Variants in DCC observed in about 807,000 individuals in gnomAD.
The protein encoded by DCC is netrin receptor DCC.
Under a neutral mutation model 172.5 loss-of-function variants are expected in DCC, and 58 were observed. The ratio of observed to expected loss-of-function variants is 0.34; its 90% CI spans 0.27 to 0.42. The LOEUF is 0.42. DCC is among the 10% of genes least tolerant of loss of function. DCC has a pLI of 1.00. For synonymous variants in DCC, 709 were observed against 644.5 expected, an observed-to-expected ratio of 1.10 and a Z score of -1.52; for missense variants, 1,740 against 1,791.0, an observed-to-expected ratio of 0.97 and a Z score of 0.51.
intron 2 of DCC, among the ~76,000 whole-genome samples, chr18:52,857,003 A>G (rs1006447496): frequency 6.6e-6 from 1 of 152,242 alleles, no homozygotes; most frequent in South Asian, 2.1e-4. Flanking sequence ...GTTAAATTCT[A>G]TATGTATAAG....
chr18:52,354,398 G>A (rs1343538951), intron 1 of DCC, among the ~76,000 whole-genome samples: 1 of 152,198 alleles, frequency 6.6e-6, no homozygotes, highest in Non-Finnish European at 1.5e-5. Flanking sequence ...TAATCGTCCA[G>A]AAAAGATGAA....
chr18:52,740,072 T>C (rs1234226849), intron 1 of DCC, among the ~76,000 whole-genome samples: 1 of 152,174 alleles, frequency 6.6e-6, no homozygotes, highest in African/African-American at 2.4e-5. Context: ...TTCCTTCAGG[T>C]GAAGACACAT....
chr18:52,356,542 G>T (rs1045074554), intron 1 of DCC, among the ~76,000 whole-genome samples: 4 of 152,156 alleles, frequency 2.6e-5, no homozygotes, highest in African/African-American at 9.7e-5. Context: ...ACAGTCATAT[G>T]AGGTTATGAT....
chr18:53,195,404 G>A (rs1300469078), intron 9 of DCC, among the ~76,000 whole-genome samples: 1 of 152,110 alleles, frequency 6.6e-6, no homozygotes, highest in Non-Finnish European at 1.5e-5. Flanking sequence ...ATTTTTCTGA[G>A]ATTGGCAAAA....
intron 5 of DCC, among the ~76,000 whole-genome samples, chr18:53,036,919 A>T (rs951479611): frequency 6.6e-6 from 1 of 152,012 alleles, no homozygotes; most frequent in Non-Finnish European, 1.5e-5. Flanking sequence ...AAAGATAAAG[A>T]TTAGTCTGAA....
At chr18:53,014,365 T>C (rs559630300) in intron 5 of DCC, among the ~76,000 whole-genome samples, 59 of 152,068 alleles carry the variant, frequency 3.9e-4, no homozygotes, top group Middle Eastern at 6.8e-3. Context: ...ATGTGCCATG[T>C]TGGTGTGCTG....
chr18:53,077,501 C>G (rs2144124742), intron 7 of DCC, among the ~76,000 whole-genome samples: 1 of 152,234 alleles, frequency 6.6e-6, no homozygotes, highest in East Asian at 1.9e-4. Context: ...CCGTTTTTCC[C>G]TGATGCCAAA....
At chr18:53,499,634 T>C in intron 27 of DCC, 124 bp downstream of exon 27, 2 of 845,322 alleles carry the variant, frequency 2.4e-6, no homozygotes. Context: ...ACATGCCCAG[T>C]GTGCTCATTT....
At chr18:52,874,235 C>T (rs926800078) in intron 2 of DCC, among the ~76,000 whole-genome samples, 1 of 152,000 alleles carries the variant, frequency 6.6e-6, no homozygotes, top group East Asian at 1.9e-4. Flanking sequence ...TAAAAATTAA[C>T]CAAATCTTAT....
In DCC at chr18:53,353,075, C is replaced by T. The variant is rs1018759526; in HGVS notation, c.2359+13168C>T. 5.9e-5 allele frequency among the ~76,000 whole-genome samples: 9 copies of T among 151,848 alleles called. 1 individual carries two copies. The highest frequency in any genetic ancestry group is 1.5e-4 in the African/African-American group (6 of 41,342). Reference sequence around the variant, plus strand: ...GAGTGGAGAAAATAATATGTGAGTTCGAGACTGGCCTGACCAACATGGAGA... The same window carrying T: ...GAGTGGAGAAAATAATATGTGAGTTTGAGACTGGCCTGACCAACATGGAGA... On this transcript the variant is annotated intron_variant, in intron 15 of 28. Transcript: ENST00000442544.
intron 15 of DCC, among the ~76,000 whole-genome samples, chr18:53,343,902 CCATTT>C (rs2144880056): frequency 6.6e-6 from 1 of 152,002 alleles, no homozygotes. Context: ...TAAAATCCAT[CCATTT>C]CATTTTGTCT....
At chr18:52,672,414 A>G (rs868245659) in intron 1 of DCC, among the ~76,000 whole-genome samples, 2 of 152,176 alleles carry the variant, frequency 1.3e-5, no homozygotes, top group African/African-American at 4.8e-5. Context: ...TTCTAAGTGT[A>G]TCCAATTTTT....
At chr18:53,518,026 C>T (rs961731492) in intron 27 of DCC, among the ~76,000 whole-genome samples, 1 of 152,074 alleles carries the variant, frequency 6.6e-6, no homozygotes, top group Non-Finnish European at 1.5e-5. Flanking sequence ...AAGTTCCTTG[C>T]CTATCAGAAG....
chr18:53,288,675 T>A (rs1445466904), intron 12 of DCC, among the ~76,000 whole-genome samples: 2 of 152,140 alleles, frequency 1.3e-5, no homozygotes, highest in Non-Finnish European at 2.9e-5. Context: ...AACGATTACA[T>A]ATCTAATTGA....
At chr18:52,645,348 C>T (rs1272671186) in intron 1 of DCC, among the ~76,000 whole-genome samples, 3 of 152,022 alleles carry the variant, frequency 2.0e-5, no homozygotes, top group Admixed American at 1.3e-4. Context: ...TTTATACTTT[C>T]ATTGACATAA....
In DCC at chr18:52,963,122, A is replaced by T. The variant is rs562801397; in HGVS notation, c.985+37752A>T. On this transcript the variant is annotated intron_variant, in intron 5 of 28. Transcript: ENST00000442544. ...ATAATTATAATAAAATTAAAAAAAT[A>T]AAAAAAAGTGAATTAAGACTCCAGT... Among the ~76,000 whole-genome samples the T allele has an allele frequency of 2.2e-3, 334 of 150,350 alleles. 1 individual carries two copies. Among genetic ancestry groups the T allele is most frequent in the Non-Finnish European group, 3.8e-3 (254 of 66,948 alleles).
chr18:52,702,828 A>C (rs1383918293), intron 1 of DCC, among the ~76,000 whole-genome samples: 4 of 152,122 alleles, frequency 2.6e-5, no homozygotes, highest in African/African-American at 9.7e-5. Context: ...GATTTTTGCT[A>C]CTGTAAATTT....
At chr18:52,792,144 T>G (rs1479829481) in intron 2 of DCC, among the ~76,000 whole-genome samples, 1 of 151,668 alleles carries the variant, frequency 6.6e-6, no homozygotes, top group East Asian at 1.9e-4. Flanking sequence ...GACCTTGAAA[T>G]GCCATGAACT....
chr18:52,755,752 C>T (rs10083941), intron 2 of DCC, among the ~76,000 whole-genome samples: 15,092 of 152,210 alleles, frequency 0.099, 954 homozygotes, highest in Middle Eastern at 0.22. Context: ...TTTGTACTCT[C>T]AGGTGCTGTA....
Sources: gnomAD v4.1 joint callset for allele counts (sites outside exome capture counted in the v4.1 genomes callset) on GRCh38, gnomAD v4.1.1 for gene constraint, MANE v1.5 for transcripts, NCBI Gene and HGNC (gene_info 2026-07-23, HGNC 2026-07-21) for gene names.